KCNMA1: variants seen among roughly 807,000 people sequenced by gnomAD.
KCNMA1 encodes potassium calcium-activated channel subfamily M alpha 1, also known as Calcium-activated potassium channel subunit alpha-1.
A neutral mutation model predicts 140.0 loss-of-function variants in KCNMA1; 29 were observed. That is an observed-to-expected ratio of 0.21 (90% CI 0.15 to 0.28). The LOEUF (loss-of-function observed/expected upper bound fraction) is 0.28. Ranked by LOEUF, KCNMA1 falls within the 10% of genes least tolerant of loss-of-function variation. The pLI is 1.00. For missense variants in KCNMA1, 880 were observed against 1,602.2 expected, an observed-to-expected ratio of 0.55 and a Z score of 7.70; for synonymous variants, 612 against 611.9, an observed-to-expected ratio of 1.00 and a Z score of 0.00.
At position 76,974,385 on chromosome 10, in the gene KCNMA1, A is replaced by C. The variant is rs1047827396; in HGVS notation, c.2267-4318T>G. 3 of 672,646 alleles carry C rather than the reference A, an allele frequency of 4.5e-6. No individual in the cohort carries two copies. The African/African-American group carries it at 5.5e-5, about 12-fold the overall frequency. The allele number at this position is 672,646 out of a possible 1,614,324, so 41.7% of individuals were successfully genotyped here. Reference sequence around the variant, plus strand: ...CTAAGTGCAAGCTGAAATCCACAGTAGTGCATCGCTCTTCTTCAACTGAGC... The same window carrying C: ...CTAAGTGCAAGCTGAAATCCACAGTCGTGCATCGCTCTTCTTCAACTGAGC... On this transcript the variant is annotated intron_variant, in intron 19 of 27. Transcript: ENST00000286628.
chr10:77,601,329 G>C (rs1488665327), intron 1 of KCNMA1, among the ~76,000 whole-genome samples: 1 of 152,134 alleles, frequency 6.6e-6, no homozygotes, highest in South Asian at 2.1e-4. Flanking sequence ...AAGGACGGAC[G>C]ATCTCTAAGA....
At chr10:77,403,578 T>C (rs936257276) in intron 2 of KCNMA1, among the ~76,000 whole-genome samples, 1 of 152,228 alleles carries the variant, frequency 6.6e-6, no homozygotes, top group East Asian at 1.9e-4. Context: ...ATGGAGGGTG[T>C]GTGTGTGTGC....
At chr10:77,547,929 C>T (rs1419743390) in intron 1 of KCNMA1, among the ~76,000 whole-genome samples, 1 of 151,934 alleles carries the variant, frequency 6.6e-6, no homozygotes, top group Non-Finnish European at 1.5e-5. Flanking sequence ...TTTCATGCTA[C>T]AAAGGCATAG....
chr10:76,992,405 C>T (rs1476587134), intron 19 of KCNMA1, among the ~76,000 whole-genome samples: 1 of 152,186 alleles, frequency 6.6e-6, no homozygotes, highest in Non-Finnish European at 1.5e-5. Flanking sequence ...TCTGACAATG[C>T]TGGATTTAGC....
chr10:77,063,942 T>C (rs1456881743), intron 14 of KCNMA1: 3 of 985,290 alleles, frequency 3.0e-6, no homozygotes, highest in Non-Finnish European at 3.6e-6. Context: ...TCAGTGACTA[T>C]ATCCTGCCAG....
intron 3 of KCNMA1, among the ~76,000 whole-genome samples, chr10:77,198,568 G>GATATATATATAT (rs3998087): frequency 0.013 from 1,746 of 138,248 alleles, 15 homozygotes; most frequent in Middle Eastern, 0.029. Flanking sequence ...ATATATATGT[G>GATATATATATAT]ATATATATAT....
At chr10:77,559,009 A>C (rs1310337751) in intron 1 of KCNMA1, among the ~76,000 whole-genome samples, 3 of 152,122 alleles carry the variant, frequency 2.0e-5, no homozygotes, top group Admixed American at 2.0e-4. Context: ...CTACGCTGGG[A>C]GTATGAGTGA....
intron 1 of KCNMA1, among the ~76,000 whole-genome samples, chr10:77,597,014 C>T (rs573875093): frequency 1.3e-5 from 2 of 152,248 alleles, no homozygotes; most frequent in South Asian, 2.1e-4. Flanking sequence ...CTTTCTGGAG[C>T]GAAATCTAAC....
chr10:77,564,965 G>A (rs1018347472), intron 1 of KCNMA1, among the ~76,000 whole-genome samples: 9 of 152,226 alleles, frequency 5.9e-5, no homozygotes, highest in South Asian at 2.1e-4. Flanking sequence ...ATATGCAGCA[G>A]GGGGTGAAGG....
At chr10:77,420,633 T>C (rs959612302) in intron 1 of KCNMA1, among the ~76,000 whole-genome samples, 3 of 152,056 alleles carry the variant, frequency 2.0e-5, no homozygotes, top group African/African-American at 7.2e-5. Context: ...TCATAGCATC[T>C]AGCACTGGGC....
At chr10:77,555,777 C>T (rs1489968865) in intron 1 of KCNMA1, among the ~76,000 whole-genome samples, 1 of 152,164 alleles carries the variant, frequency 6.6e-6, no homozygotes, top group Non-Finnish European at 1.5e-5. Context: ...CCAAACTTAG[C>T]TCCTCCATGC....
At chr10:77,524,934 C>T (rs1297757387) in intron 1 of KCNMA1, among the ~76,000 whole-genome samples, 3 of 152,122 alleles carry the variant, frequency 2.0e-5, no homozygotes, top group African/African-American at 4.8e-5. Flanking sequence ...GGATATGATC[C>T]CCGGCCTCCC....
intron 5 of KCNMA1, among the ~76,000 whole-genome samples, chr10:77,167,545 A>AATGATGATAATAATAAAG (rs1389983747): frequency 1.9e-4 from 29 of 152,246 alleles, no homozygotes; most frequent in African/African-American, 6.5e-4. Flanking sequence ...TTGTTGAGTG[A>AATGATGATAATAATAAAG]ATGATGATAA....
chr10:77,212,117 G>C (rs1473957745), intron 3 of KCNMA1, among the ~76,000 whole-genome samples: 1 of 152,048 alleles, frequency 6.6e-6, no homozygotes, highest in Non-Finnish European at 1.5e-5. Flanking sequence ...AAGGAAACTA[G>C]ATAATTATAC....
chr10:76,963,234 A>G (rs1289158720), intron 20 of KCNMA1, among the ~76,000 whole-genome samples: 3 of 152,290 alleles, frequency 2.0e-5, no homozygotes, highest in Non-Finnish European at 2.9e-5. Flanking sequence ...TGATTCTTCA[A>G]AAGAGTGGTT....
At chr10:76,903,299 C>T (rs894178489) in intron 25 of KCNMA1, 1 of 152,242 alleles carries the variant, frequency 6.6e-6, no homozygotes, top group African/African-American at 2.4e-5. Flanking sequence ...ATTAACACAT[C>T]TTTTAATAAC....
chr10:77,602,561 C>A (rs546611536), intron 1 of KCNMA1, among the ~76,000 whole-genome samples: 1 of 152,170 alleles, frequency 6.6e-6, no homozygotes, highest in Non-Finnish European at 1.5e-5. Context: ...AGTGATACCT[C>A]AATAAAGCTC....
intron 3 of KCNMA1, among the ~76,000 whole-genome samples, chr10:77,188,939 C>A (rs1295149172): frequency 4.6e-5 from 7 of 152,116 alleles, no homozygotes; most frequent in Admixed American, 2.6e-4. Flanking sequence ...CTCCTCACAG[C>A]CTCTAAACTT....
At chr10:77,613,457 G>A (rs2087818785) in intron 1 of KCNMA1, among the ~76,000 whole-genome samples, 2 of 152,344 alleles carry the variant, frequency 1.3e-5, no homozygotes, top group Admixed American at 6.5e-5. Flanking sequence ...TGGGCAACAA[G>A]TGAAGCAGGA....
Sources: allele counts gnomAD v4.1 joint callset (sites outside exome capture counted in the v4.1 genomes callset), GRCh38; gene constraint gnomAD v4.1.1; transcripts MANE v1.5; gene names NCBI Gene and HGNC (gene_info 2026-07-23, HGNC 2026-07-21).